Variants in TMEM114 observed in about 807,000 individuals in gnomAD.
TMEM114 encodes claudin-26.
In TMEM114, 6 loss-of-function variants were observed where a neutral mutation model predicts 6.2. That is an observed-to-expected ratio of 0.97 (90% CI 0.53 to 1.91). TMEM114 has a LOEUF of 1.91. Ranked by LOEUF, TMEM114 falls within the 40% of genes most tolerant of loss-of-function variation. TMEM114 has a pLI of 0.01. For synonymous variants in TMEM114, 104 were observed against 73.0 expected, an observed-to-expected ratio of 1.42 and a Z score of -2.16; for missense variants, 218 against 158.3, an observed-to-expected ratio of 1.38 and a Z score of -2.02.
intron 2 of TMEM114, among the ~76,000 whole-genome samples, chr16:8,553,159 A>T (rs1299943122): frequency 1.3e-5 from 2 of 152,214 alleles, no homozygotes; most frequent in South Asian, 2.1e-4. Context: ...CAGCCGTTTC[A>T]TTCCTCTGGT....
chr16:8,578,661 G>A (rs8045929), intron 2 of TMEM114, among the ~76,000 whole-genome samples: 33,754 of 151,894 alleles, frequency 0.22, 4,432 homozygotes, highest in Non-Finnish European at 0.29. Context: ...GATACCTGTG[G>A]TTATTACACG....
chr16:8,530,537 G>C, the TMEM114 span, among the ~76,000 whole-genome samples: 1 of 151,216 alleles, frequency 6.6e-6, no homozygotes, highest in Non-Finnish European at 1.5e-5. Flanking sequence ...GAAGGAGACA[G>C]GGAAGGAAAG....
the TMEM114 span, among the ~76,000 whole-genome samples, chr16:8,529,939 A>G: frequency 5.3e-5 from 8 of 152,294 alleles, no homozygotes; most frequent in East Asian, 1.2e-3. Context: ...GAAATTCTCT[A>G]AGTGATGGAA....
chr16:8,561,848 ATGAATGAG>A (rs1353535518), intron 2 of TMEM114, among the ~76,000 whole-genome samples: 1 of 138,810 alleles, frequency 7.2e-6, no homozygotes, highest in African/African-American at 2.7e-5. Flanking sequence ...GAGTGAGTGA[ATGAATGAG>A]TGAGTGAGGG....
chr16:8,581,697 G>A (rs977897708), intron 2 of TMEM114, among the ~76,000 whole-genome samples: 6 of 152,314 alleles, frequency 3.9e-5, no homozygotes, highest in South Asian at 4.1e-4. Context: ...CAAGTGATCC[G>A]CCCACCTTGG....
chr16:8,563,208 A>C (rs879886365), intron 2 of TMEM114, among the ~76,000 whole-genome samples: 1 of 151,908 alleles, frequency 6.6e-6, no homozygotes, highest in Non-Finnish European at 1.5e-5. Context: ...TGAGTGAATG[A>C]GTGAGCAAAT....
chr16:8,533,363 T>C (rs1900270117), downstream of TMEM114, among the ~76,000 whole-genome samples: 1 of 152,114 alleles, frequency 6.6e-6, no homozygotes, highest in Non-Finnish European at 1.5e-5. Context: ...GAGGAGCAAG[T>C]GTCAAGGTCC....
chr16:8,530,581 A>G, the TMEM114 span, among the ~76,000 whole-genome samples: 3 of 151,910 alleles, frequency 2.0e-5, no homozygotes, highest in African/African-American at 4.8e-5. Flanking sequence ...CAGAGAGGAG[A>G]GAAAGAAAGC....
At chr16:8,539,879 A>T (rs1282624774) in intron 2 of TMEM114, among the ~76,000 whole-genome samples, 1 of 152,164 alleles carries the variant, frequency 6.6e-6, no homozygotes, top group Non-Finnish European at 1.5e-5. Context: ...ATGCAGTGAA[A>T]CAATCTCTCC....
rs1371842215 is a variant in TMEM114, at chr16:8,555,164, T to C, written n.213-17338A>G. 3.3e-5 allele frequency among the ~76,000 whole-genome samples: 5 copies of C among 152,218 alleles called. No individual in the cohort carries two copies. The East Asian group carries it at 9.6e-4, about 29-fold the overall frequency. On this transcript the variant is annotated intron_variant and non_coding_transcript_variant, in intron 2 of 2. Coordinates refer to the TMEM114 transcript ENST00000623677. ...TTTCCTGAGCTCTTCTCTCTTCACA[T>C]GTGATGCTGACTTTCTGAGCACCTC...
At chr16:8,540,728 G>C (rs1346249609) in intron 2 of TMEM114, among the ~76,000 whole-genome samples, 1 of 152,202 alleles carries the variant, frequency 6.6e-6, no homozygotes, top group African/African-American at 2.4e-5. Flanking sequence ...TATCTTCTTG[G>C]AGCTTACAGA....
intron 2 of TMEM114, among the ~76,000 whole-genome samples, chr16:8,584,719 T>C (rs994581873): frequency 2.4e-4 from 37 of 151,918 alleles, no homozygotes; most frequent in African/African-American, 8.7e-4. Flanking sequence ...GTCAGGAGTT[T>C]GAGATCAGCC....
downstream of TMEM114, chr16:8,569,435 A>G: frequency 8.8e-7 from 1 of 1,134,612 alleles, no homozygotes; most frequent in Non-Finnish European, 1.1e-6. Flanking sequence ...GATCCAAGGG[A>G]CATGGGTGAG....
chr16:8,545,932 T>A (rs1039826839), intron 2 of TMEM114, among the ~76,000 whole-genome samples: 2 of 152,012 alleles, frequency 1.3e-5, no homozygotes, highest in Non-Finnish European at 2.9e-5. Context: ...CTGGGCAACA[T>A]AGCAAGACCC....
At chr16:8,573,691 C>T (rs1901814213) in intron 2 of TMEM114, among the ~76,000 whole-genome samples, 1 of 152,132 alleles carries the variant, frequency 6.6e-6, no homozygotes, top group South Asian at 2.1e-4. Flanking sequence ...TAAATACTTT[C>T]CTATCCTTCA....
chr16:8,570,082 C>T, intron 3 of TMEM114, 77 bp from the exon 4 acceptor site: 3 of 1,486,656 alleles, frequency 2.0e-6, no homozygotes, highest in East Asian at 2.5e-5. Flanking sequence ...TCGCCCTGCC[C>T]AGCCACGCTG....
chr16:8,564,646 T>G (rs1320502237), downstream of TMEM114, among the ~76,000 whole-genome samples: 23 of 139,392 alleles, frequency 1.7e-4, 1 homozygote, highest in Admixed American at 4.2e-4. Context: ...AATGAGTGAG[T>G]AAATGAGTGA....
intron 2 of TMEM114, among the ~76,000 whole-genome samples, chr16:8,559,569 G>A (rs1286453359): frequency 1.3e-5 from 2 of 152,170 alleles, no homozygotes; most frequent in Admixed American, 6.5e-5. Context: ...AGGGGAGTCG[G>A]CTTTTTCAAT....
chr16:8,579,327 A>G (rs1286093690), intron 2 of TMEM114, among the ~76,000 whole-genome samples: 1 of 152,214 alleles, frequency 6.6e-6, no homozygotes, highest in African/African-American at 2.4e-5. Context: ...CCCAGGATCC[A>G]CTTACTACAA....
Sources: allele counts gnomAD v4.1 joint callset (sites outside exome capture counted in the v4.1 genomes callset), GRCh38; gene constraint gnomAD v4.1.1; transcripts MANE v1.5; gene names NCBI Gene and HGNC (gene_info 2026-07-23, HGNC 2026-07-21).